The following LENG8 variants were observed in gnomAD, a reference collection of about 807,000 sequenced individuals.
The protein encoded by LENG8 is leukocyte receptor cluster member 8, also known as leukocyte receptor cluster (LRC) member 8.
In LENG8, 28 loss-of-function variants were observed where a neutral mutation model predicts 102.1. That is an observed-to-expected ratio of 0.27 (90% CI 0.20 to 0.38). The LOEUF (loss-of-function observed/expected upper bound fraction) is 0.38. Ranked by LOEUF, LENG8 falls within the 10% of genes least tolerant of loss-of-function variation. The probability of loss-of-function intolerance (pLI) is 1.00; values close to 1 mark genes in which losing one functional copy is unlikely to be tolerated. For synonymous variants in LENG8, 531 were observed against 456.7 expected (o/e 1.16, Z -2.07); for missense variants, 1,022 against 1,113.9 (o/e 0.92, Z 1.17).
At chr19:54,457,691 C>T (rs2084324184) in intron 11 of LENG8, 56 bp from the exon 12 acceptor site, 6 of 1,240,466 alleles carry the variant, frequency 4.8e-6, no homozygotes, top group South Asian at 2.4e-5. Flanking sequence ...AAGTGGAAGC[C>T]GTTGGCCACG....
Position 54,461,803 on chromosome 19 carries a change from C to T in LENG8, c.*875C>T. 2.0e-6 allele frequency: 1 copy of T among 509,406 alleles called. No homozygotes were observed. The highest frequency in any genetic ancestry group is 3.9e-6 in the Non-Finnish European group (1 of 253,590). The allele number at this position is 509,406 out of a possible 1,614,324, so 31.6% of individuals were successfully genotyped here. ...TTCCTCCTCTCCCTTTTCTTTTTGG[C>T]CCTCCCTCCCTCCCTCTTCTGCCAT... is the stretch of plus-strand genomic sequence containing the variant. On this transcript the variant is annotated 3_prime_UTR_variant, in exon 16 of 16. Coordinates refer to ENST00000326764, the MANE Select transcript of LENG8 (RefSeq NM_052925.4).
intron 7 of LENG8, 36 bp downstream of exon 7, chr19:54,455,128 ACT>A (rs1245627438): frequency 2.5e-6 from 4 of 1,611,826 alleles, no homozygotes; most frequent in Middle Eastern, 1.7e-4. Flanking sequence ...GCAGCCCCAC[ACT>A]CTGCACTCAG....
chr19:54,461,910 C>A lies in LENG8; in HGVS notation c.*982C>A. On this transcript the variant is annotated 3_prime_UTR_variant, in exon 16 of 16. Coordinates refer to ENST00000326764, the MANE Select transcript of LENG8 (RefSeq NM_052925.4). ...TTCCAGATGTTCCTCCTCTGCCTCCCCTTCCCCTCCTCTCCCCTCCTTTTC... is the reference window on the plus strand; with the variant it reads ...TTCCAGATGTTCCTCCTCTGCCTCCACTTCCCCTCCTCTCCCCTCCTTTTC... The A allele has an allele frequency of 1.2e-6, 1 of 865,576 alleles. No homozygotes were observed. The highest frequency in any genetic ancestry group is 1.8e-5 in the Admixed American group (1 of 57,014). 53.6% of individuals were successfully genotyped at this position (865,576 alleles called of 1,614,324 possible). A position where few individuals can be genotyped will look rare whatever the true frequency, so the allele number is the denominator to read the frequency against.
chr19:54,455,900 A>T lies in LENG8; in HGVS notation c.1026-67A>T. ...CGGAGGCGGGTCGGTACCTTGAGGGAGGTGGTGGCGGCTGTCCTGCCAGTG... is the reference window on the plus strand; with the variant it reads ...CGGAGGCGGGTCGGTACCTTGAGGGTGGTGGTGGCGGCTGTCCTGCCAGTG... On this transcript the variant is annotated intron_variant, in intron 8 of 15. Coordinates refer to ENST00000326764, the MANE Select transcript of LENG8 (RefSeq NM_052925.4). 5 of 1,516,800 alleles carry T rather than the reference A, an allele frequency of 3.3e-6. No individual in the cohort carries two copies. The East Asian group carries it at 9.4e-5, about 28-fold the overall frequency. The allele number at this position is 1,516,800 out of a possible 1,614,324, so 94.0% of individuals were successfully genotyped here. A position where few individuals can be genotyped will look rare whatever the true frequency, so the allele number is the denominator to read the frequency against.
chr19:54,459,811 C>T, intron 15 of LENG8: 6 of 1,155,152 alleles, frequency 5.2e-6, no homozygotes, highest in Non-Finnish European at 5.4e-6. Flanking sequence ...GTGCACAGAG[C>T]TCCATGACCA....
At chr19:54,454,385 C>T (rs1188709606) in intron 5 of LENG8, 45 bp from the exon 6 acceptor site, 3 of 1,544,358 alleles carry the variant, frequency 1.9e-6, no homozygotes, top group Non-Finnish European at 2.6e-6. Flanking sequence ...CACTCGCCAG[C>T]CCCAGAATCT....
chr19:54,456,222 C>T lies in LENG8; in HGVS notation c.1281C>T (p.Ser427=), dbSNP rs1463162423. Reference sequence around the variant, plus strand: ...CCCGCTCCCGCTCCTCCTCCAGGTCCCCGACGCGCCACTTCCGCAGAAGGT... The same window carrying T: ...CCCGCTCCCGCTCCTCCTCCAGGTCTCCGACGCGCCACTTCCGCAGAAGGT... ...TDSRSRSSSR[S]PTRHFRRSDS... Residue 427 remains serine (S), a synonymous_variant, in exon 9 of 16, where the codon TCC becomes TCT. Transcript: ENST00000326764. 2.5e-6 allele frequency: 4 copies of T among 1,613,060 alleles called. No homozygotes were observed. Among genetic ancestry groups the T allele is most frequent in the Non-Finnish European group, 3.4e-6 (4 of 1,179,408 alleles).
At position 54,461,096 on chromosome 19, in the gene LENG8, A is replaced by C; in HGVS notation, c.*168A>C. ...TTCCCACCGGGGAGTCTGTACAGAG[A>C]TTTTTCTACGTTTTTATTTTTTGCC... is the stretch of plus-strand genomic sequence containing the variant. On this transcript the variant is annotated 3_prime_UTR_variant, in exon 16 of 16. Transcript: ENST00000326764. 2 of 1,046,104 alleles carry C rather than the reference A, an allele frequency of 1.9e-6. No homozygotes were observed. Among genetic ancestry groups the C allele is most frequent in the Non-Finnish European group, 2.8e-6 (2 of 710,480 alleles). The allele number at this position is 1,046,104 out of a possible 1,614,324, so 64.8% of individuals were successfully genotyped here. A position where few individuals can be genotyped will look rare whatever the true frequency, so the allele number is the denominator to read the frequency against.
intron 8 of LENG8, 36 bp from the exon 9 acceptor site, chr19:54,455,931 C>G: frequency 3.2e-6 from 5 of 1,583,880 alleles, no homozygotes; most frequent in Non-Finnish European, 1.7e-6. Flanking sequence ...CAGTGTCTGG[C>G]GGGGTTGGTG....
At chr19:54,455,252 A>G in intron 7 of LENG8, 112 bp from the exon 8 acceptor site, 2 of 1,497,442 alleles carry the variant, frequency 1.3e-6, no homozygotes, top group Non-Finnish European at 1.8e-6. Flanking sequence ...TGAAGGAGAC[A>G]GAAGGAAAAC....
At chr19:54,456,597 A>G in intron 10 of LENG8, 39 bp from the exon 11 acceptor site, 1 of 1,573,522 alleles carries the variant, frequency 6.4e-7, no homozygotes, top group Non-Finnish European at 8.6e-7. Context: ...GGGGGGCTGG[A>G]GACGCCTGTC....
rs1599986057 is a variant in LENG8, at chr19:54,456,522, C to A, written c.1445+57C>A. On this transcript the variant is annotated intron_variant, in intron 10 of 15. Transcript: ENST00000326764. ...CAGGGTGGAGGAGGGTACTGGGGACCCATGGGAGAAGGAGGAGGAGGGCCG... is the reference window on the plus strand; with the variant it reads ...CAGGGTGGAGGAGGGTACTGGGGACACATGGGAGAAGGAGGAGGAGGGCCG... 9.7e-6 allele frequency: 15 copies of A among 1,549,122 alleles called. No homozygotes were observed. In the South Asian group the frequency reaches 1.8e-4, roughly 19 times the overall value.
In LENG8 at chr19:54,461,691, C is replaced by T. The variant is rs1375776105; in HGVS notation, c.*763C>T. 2 of 487,834 alleles carry T rather than the reference C, an allele frequency of 4.1e-6. No homozygotes were observed. The highest frequency in any genetic ancestry group is 4.2e-6 in the Non-Finnish European group (1 of 238,788). 30.2% of individuals were successfully genotyped at this position (487,834 alleles called of 1,614,324 possible). A position where few individuals can be genotyped will look rare whatever the true frequency, so the allele number is the denominator to read the frequency against. The stretch of plus-strand genomic sequence containing the variant: ...TGGTTCAGCACAGGTAAAACGGTTC[C>T]CCTCCCTCCCTGCCTTCATGGATCA... On this transcript the variant is annotated 3_prime_UTR_variant, in exon 16 of 16. Transcript: ENST00000326764.
rs555918459 is a variant in LENG8 at position 54,461,001 on chromosome 19, C to T, written c.*73C>T. The T allele has an allele frequency of 1.1e-4, 162 of 1,532,270 alleles. 4 individuals carry two copies. In the South Asian group the frequency reaches 1.6e-3, roughly 15 times the overall value. The allele number at this position is 1,532,270 out of a possible 1,614,324, so 94.9% of individuals were successfully genotyped here. A position where few individuals can be genotyped will look rare whatever the true frequency, so the allele number is the denominator to read the frequency against. ...GCCTTTGCGGATTCTGTTTTTGAGC[C>T]GTGGACTTGGGTTGTAAATTTATTT... On this transcript the variant is annotated 3_prime_UTR_variant, in exon 16 of 16. Transcript: ENST00000326764.
In LENG8 at chr19:54,454,362, G is replaced by A. The variant is rs904145741; in HGVS notation, c.427-68G>A. Reference sequence around the variant, plus strand: ...GCTGTGACCACTGCGTCCTCACAGCGAGGGCTGAGTGCCACTCGCCAGCCC... The same window carrying A: ...GCTGTGACCACTGCGTCCTCACAGCAAGGGCTGAGTGCCACTCGCCAGCCC... On this transcript the variant is annotated intron_variant, in intron 5 of 15. Transcript: ENST00000326764. The A allele has an allele frequency of 2.8e-5, 42 of 1,501,684 alleles. No homozygotes were observed. In the African/African-American group the frequency reaches 4.7e-4, roughly 17 times the overall value. 93.0% of individuals were successfully genotyped at this position (1,501,684 alleles called of 1,614,324 possible). A position where few individuals can be genotyped will look rare whatever the true frequency, so the allele number is the denominator to read the frequency against.
chr19:54,456,855 T>C lies in LENG8; in HGVS notation c.1665T>C (p.Pro555=). 1.2e-6 allele frequency: 2 copies of C among 1,611,176 alleles called. No individual in the cohort carries two copies. Among genetic ancestry groups the C allele is most frequent in the Non-Finnish European group, 1.7e-6 (2 of 1,179,868 alleles). ...AGCTGCAGATCGTGGGCACCTGCCC[T>C]GACATCACCAAGCACTACCTGCGCC... ...WQELQIVGTC[P]DITKHYLRLT... is the part of the protein sequence containing the mutation. The change falls in exon 11 of 16, where the codon CCT becomes CCC. Residue 555 remains proline, a synonymous_variant. Transcript: ENST00000326764.
rs373745437 is a variant in LENG8 at position 54,458,167 on chromosome 19, C to T, written c.1967C>T (p.Pro656Leu). ...AAGTCGCTGTACGCCGAGAACTTGC[C>T]TGGCAATGTGGGCGAGTTTACTGCC... ...QLKSLYAENLPGNVGEFTAYR... is the reference protein window; with the variant it reads ...QLKSLYAENLLGNVGEFTAYR... Residue 656 changes from proline (P) to leucine (L), a missense_variant, in exon 14 of 16, where the codon CCT (proline) becomes CTT (leucine). Coordinates refer to ENST00000326764, the MANE Select transcript of LENG8 (RefSeq NM_052925.4). The T allele has an allele frequency of 3.1e-6, 5 of 1,614,092 alleles. No individual in the cohort carries two copies. The African/African-American group carries it at 4.0e-5, about 13-fold the overall frequency.
At chr19:54,451,455 G>T in intron 2 of LENG8, 73 bp downstream of exon 2, 3 of 1,494,712 alleles carry the variant, frequency 2.0e-6, no homozygotes, top group Non-Finnish European at 2.8e-6. Context: ...GTCCTCTGGG[G>T]TGGGACCTCC....
Position 54,461,848 on chromosome 19 carries a change from T to A in LENG8, c.*920T>A. On this transcript the variant is annotated 3_prime_UTR_variant, in exon 16 of 16. Transcript: ENST00000326764. ...TGCCATGTAACTGGAGGATGTGCTATGAGTTTGCAAACAGCTGGACTGTCA... is the reference window on the plus strand; with the variant it reads ...TGCCATGTAACTGGAGGATGTGCTAAGAGTTTGCAAACAGCTGGACTGTCA... 1 of 615,096 alleles carries A rather than the reference T, an allele frequency of 1.6e-6. No homozygotes were observed. Among genetic ancestry groups the A allele is most frequent in the Non-Finnish European group, 3.1e-6 (1 of 319,404 alleles). 38.1% of individuals were successfully genotyped at this position (615,096 alleles called of 1,614,324 possible).
Sources: gnomAD v4.1 joint callset for allele counts on GRCh38, gnomAD v4.1.1 for gene constraint, MANE v1.5 for transcripts, NCBI Gene and HGNC (gene_info 2026-07-23, HGNC 2026-07-21) for gene names.